SLC49A4: variants seen among roughly 807,000 people sequenced by gnomAD.
SLC49A4 encodes disrupted in renal cancer protein 2.
In SLC49A4, 36 loss-of-function variants were observed where a neutral mutation model predicts 50.6. The observed-to-expected ratio is 0.71, with a 90% CI of 0.55 to 0.94. SLC49A4 has a LOEUF of 0.94. SLC49A4 is among the 40% of genes least tolerant of loss of function. The pLI is 0.00. For missense variants in SLC49A4, 503 were observed against 605.7 expected (o/e 0.83, Z 1.78); for synonymous variants, 248 against 241.2 (o/e 1.03, Z -0.26).
chr3:122,804,955 T>TAAA (rs1936193497), intron 1 of SLC49A4, among the ~76,000 whole-genome samples: 1 of 152,190 alleles, frequency 6.6e-6, no homozygotes, highest in Non-Finnish European at 1.5e-5. Flanking sequence ...AAACAGTGCC[T>TAAA]CACTGCTTGC....
intron 7 of SLC49A4, among the ~76,000 whole-genome samples, chr3:122,861,939 G>A (rs1445965228): frequency 6.6e-6 from 1 of 152,106 alleles, no homozygotes; most frequent in Non-Finnish European, 1.5e-5. Context: ...CATTCTTTTC[G>A]ATGACATCGT....
chr3:122,873,392 C>G (rs769186915), intron 8 of SLC49A4, among the ~76,000 whole-genome samples: 3 of 152,050 alleles, frequency 2.0e-5, no homozygotes, highest in Non-Finnish European at 2.9e-5. Flanking sequence ...GTTGGCCAGG[C>G]TGGTCTGGAG....
chr3:122,819,530 T>A (rs548544404), intron 2 of SLC49A4, among the ~76,000 whole-genome samples: 29 of 152,270 alleles, frequency 1.9e-4, no homozygotes, highest in Non-Finnish European at 1.5e-5. Flanking sequence ...CCATAGCAGA[T>A]ACTCAATAGA....
chr3:122,819,243 CAAA>C (rs777101254), intron 2 of SLC49A4, among the ~76,000 whole-genome samples: 5 of 100,572 alleles, frequency 5.0e-5, no homozygotes, highest in African/African-American at 1.3e-4. Flanking sequence ...GACCCTGCCT[CAAA>C]AAAAAAAAAA....
chr3:122,809,542 G>T (rs897697589), intron 2 of SLC49A4, among the ~76,000 whole-genome samples: 3 of 151,996 alleles, frequency 2.0e-5, no homozygotes, highest in African/African-American at 7.2e-5. Context: ...GCAACACAGC[G>T]AGACCCCATC....
At chr3:122,824,050 T>C (rs559718673) in intron 2 of SLC49A4, among the ~76,000 whole-genome samples, 37 of 152,320 alleles carry the variant, frequency 2.4e-4, no homozygotes, top group African/African-American at 7.9e-4. Context: ...GGAGTGGGAC[T>C]GGGTTTCCCT....
intron 4 of SLC49A4, among the ~76,000 whole-genome samples, chr3:122,835,131 T>G (rs139927793): frequency 6.6e-6 from 1 of 152,244 alleles, no homozygotes; most frequent in African/African-American, 2.4e-5. Flanking sequence ...TACCGGACTT[T>G]CAAAGAAGAA....
intron 2 of SLC49A4, among the ~76,000 whole-genome samples, chr3:122,811,366 A>G (rs1318673122): frequency 6.6e-6 from 1 of 152,234 alleles, no homozygotes; most frequent in Admixed American, 6.5e-5. Flanking sequence ...AATTAAATAA[A>G]TGAAAATTAA....
intron 4 of SLC49A4, among the ~76,000 whole-genome samples, chr3:122,841,911 C>A (rs1205963145): frequency 6.6e-6 from 1 of 150,884 alleles, no homozygotes; most frequent in East Asian, 1.9e-4. Flanking sequence ...TTCTCTATAG[C>A]ACGTCGTACA....
chr3:122,795,545 C>T lies in SLC49A4; in HGVS notation c.343+10C>T, dbSNP rs776544991. The T allele has an allele frequency of 1.3e-6, 2 of 1,580,182 alleles. No homozygotes were observed. Among genetic ancestry groups the T allele is most frequent in the Non-Finnish European group, 1.7e-6 (2 of 1,171,670 alleles). ...CTCCTGGACAAGAGAGGTGAGGGGT[C>T]GCGGAGCGCCAGCCCGCGCTGTCTC... On this transcript the variant is annotated intron_variant, in intron 1 of 8. Transcript: ENST00000261038.
At chr3:122,807,012 A>G (rs1236236899) in intron 2 of SLC49A4, 62 bp downstream of exon 2, 3 of 997,502 alleles carry the variant, frequency 3.0e-6, no homozygotes, top group Non-Finnish European at 4.7e-6. Flanking sequence ...TAAATTTTTA[A>G]GAAGATCAGT....
At chr3:122,806,012 A>C (rs1008549813) in intron 1 of SLC49A4, among the ~76,000 whole-genome samples, 5 of 152,234 alleles carry the variant, frequency 3.3e-5, no homozygotes, top group Non-Finnish European at 7.3e-5. Flanking sequence ...ATAATCAGAG[A>C]GTTCTAAAGG....
intron 5 of SLC49A4, among the ~76,000 whole-genome samples, chr3:122,848,122 T>G (rs1936881501): frequency 6.6e-6 from 1 of 152,228 alleles, no homozygotes; most frequent in Non-Finnish European, 1.5e-5. Context: ...GTTCTGGAGC[T>G]CTGTTCTTTT....
intron 8 of SLC49A4, among the ~76,000 whole-genome samples, chr3:122,877,699 A>T (rs1325194665): frequency 6.6e-6 from 1 of 152,134 alleles, no homozygotes; most frequent in African/African-American, 2.4e-5. Context: ...ATACAAACAA[A>T]ATGCTATTGT....
At chr3:122,831,735 G>A (rs1407656146) in intron 3 of SLC49A4, among the ~76,000 whole-genome samples, 1 of 152,064 alleles carries the variant, frequency 6.6e-6, no homozygotes, top group African/African-American at 2.4e-5. Context: ...CACTTTAAAT[G>A]TGTGCATTGT....
Position 122,795,257 on chromosome 3 carries a change from G to T in SLC49A4, c.65G>T (p.Gly22Val). The T allele has an allele frequency of 7.2e-7, 1 of 1,393,442 alleles. No individual in the cohort carries two copies. Among genetic ancestry groups the T allele is most frequent in the Non-Finnish European group, 9.2e-7 (1 of 1,086,816 alleles). 86.3% of individuals were successfully genotyped at this position (1,393,442 alleles called of 1,614,324 possible). ...CTGCTGGGGCCCGGGCTCGGGCCTGGGCTGGGGGCCTCCTGGAGAAGCCGG... is the reference window on the plus strand; with the variant it reads ...CTGCTGGGGCCCGGGCTCGGGCCTGTGCTGGGGGCCTCCTGGAGAAGCCGG... ...QPLLGPGLGP[G>V]LGASWRSREA... is the part of the protein sequence containing the mutation. Residue 22 changes from glycine (G) to valine (V), a missense_variant, in exon 1 of 9, where the codon GGG becomes GTG. By Grantham distance (109) the Gly-to-Val change is moderately radical. Transcript: ENST00000261038.
intron 4 of SLC49A4, among the ~76,000 whole-genome samples, chr3:122,838,207 G>A (rs948714848): frequency 1.4e-4 from 22 of 152,004 alleles, no homozygotes; most frequent in Non-Finnish European, 2.9e-4. Context: ...CGCATTACTG[G>A]GTATATACCC....
intron 4 of SLC49A4, among the ~76,000 whole-genome samples, chr3:122,836,136 C>T (rs1357225443): frequency 2.0e-5 from 3 of 152,136 alleles, no homozygotes; most frequent in Non-Finnish European, 4.4e-5. Context: ...GTGGGTTTGT[C>T]GTAGATAGCT....
chr3:122,824,730 CTTTTTTTTTTTTTT>C (rs71621693), intron 2 of SLC49A4, among the ~76,000 whole-genome samples: 4 of 82,918 alleles, frequency 4.8e-5, no homozygotes, highest in African/African-American at 1.8e-4. Flanking sequence ...TTTTTTCCTT[CTTTTTTTTTTTTTT>C]TTTTTTGAGA....
Sources: allele counts gnomAD v4.1 joint callset (sites outside exome capture counted in the v4.1 genomes callset), GRCh38; gene constraint gnomAD v4.1.1; transcripts MANE v1.5; gene names NCBI Gene and HGNC (gene_info 2026-07-23, HGNC 2026-07-21).